The following IMMP2L variants were observed in gnomAD, a reference collection of about 807,000 sequenced individuals.
IMMP2L encodes mitochondrial inner membrane protease subunit 2.
Under a neutral mutation model 19.3 loss-of-function variants are expected in IMMP2L, and 18 were observed. The ratio of observed to expected loss-of-function variants is 0.93; its 90% confidence interval spans 0.64 to 1.38. The LOEUF is 1.38. IMMP2L is among the 40% of genes most tolerant of loss of function. The pLI is 0.00. For missense variants in IMMP2L, 233 were observed against 218.2 expected (o/e 1.07, Z -0.43); for synonymous variants, 76 against 73.0 (o/e 1.04, Z -0.21).
At chr7:111,068,299 T>C (rs1399612782) in intron 3 of IMMP2L, among the ~76,000 whole-genome samples, 2 of 152,160 alleles carry the variant, frequency 1.3e-5, no homozygotes, top group East Asian at 1.9e-4. Flanking sequence ...CATTTTTCAT[T>C]GTGAGAAATA....
chr7:111,251,483 C>CA (rs2129632223), intron 3 of IMMP2L, among the ~76,000 whole-genome samples: 1 of 152,206 alleles, frequency 6.6e-6, no homozygotes, highest in Non-Finnish European at 1.5e-5. Flanking sequence ...TTCACAACAG[C>CA]AAAAACATGG....
intron 3 of IMMP2L, among the ~76,000 whole-genome samples, chr7:111,061,089 G>A (rs146744088): frequency 2.7e-4 from 41 of 152,260 alleles, no homozygotes; most frequent in Non-Finnish European, 4.9e-4. Flanking sequence ...ATGTATATGC[G>A]TGAAGTCTGG....
At chr7:111,067,156 C>T (rs1011047984) in intron 3 of IMMP2L, among the ~76,000 whole-genome samples, 1 of 152,194 alleles carries the variant, frequency 6.6e-6, no homozygotes, top group African/African-American at 2.4e-5. Flanking sequence ...TCATAAACCA[C>T]AACCATGAGT....
intron 3 of IMMP2L, among the ~76,000 whole-genome samples, chr7:111,432,660 C>G (rs978743724): frequency 2.0e-5 from 3 of 151,552 alleles, no homozygotes; most frequent in African/African-American, 7.3e-5. Flanking sequence ...TGGAAAAGGA[C>G]AAGAATTCCC....
At chr7:110,768,368 C>T (rs1025718976) in intron 5 of IMMP2L, among the ~76,000 whole-genome samples, 3 of 151,168 alleles carry the variant, frequency 2.0e-5, no homozygotes, top group East Asian at 1.9e-4. Context: ...TGATAAGAAG[C>T]GGCCAGATGC....
At chr7:110,738,281 T>C (rs1352469426) in intron 5 of IMMP2L, among the ~76,000 whole-genome samples, 1 of 152,160 alleles carries the variant, frequency 6.6e-6, no homozygotes, top group Non-Finnish European at 1.5e-5. Context: ...CCAGAGAAAG[T>C]TGAAGTCCAA....
rs78294715 is a variant in IMMP2L, at chr7:110,810,637, T to A, written c.408+75956A>T. 5.8e-4 allele frequency among the ~76,000 whole-genome samples: 88 copies of A among 152,142 alleles called. No homozygotes were observed. In the East Asian group the frequency reaches 0.016, roughly 28 times the overall value. On this transcript the variant is annotated intron_variant, in intron 5 of 5. Coordinates refer to ENST00000405709, the MANE Select transcript of IMMP2L (RefSeq NM_032549.4). ...AGGATATAAATAACTCCCACATGCTTAGAGTTCCGATAATGGAACACTAGG... is the reference window on the plus strand; with the variant it reads ...AGGATATAAATAACTCCCACATGCTAAGAGTTCCGATAATGGAACACTAGG...
At chr7:111,037,646 C>T (rs941600555) in intron 3 of IMMP2L, among the ~76,000 whole-genome samples, 1 of 152,078 alleles carries the variant, frequency 6.6e-6, no homozygotes, top group African/African-American at 2.4e-5. Flanking sequence ...GTTGTCTTTG[C>T]TTCAAAGAAG....
chr7:111,266,982 C>G (rs1296252960), intron 3 of IMMP2L, among the ~76,000 whole-genome samples: 1 of 152,152 alleles, frequency 6.6e-6, no homozygotes, highest in African/African-American at 2.4e-5. Flanking sequence ...TCTACCCTAG[C>G]TTTCCCATGA....
At position 111,562,442 on chromosome 7, in the gene IMMP2L, G is replaced by C. The variant is rs1272310973; in HGVS notation, c.-594C>G. The C allele has an allele frequency of 6.6e-6, 1 of 151,124 alleles. No individual in the cohort carries two copies. Among genetic ancestry groups the C allele is most frequent in the Non-Finnish European group, 1.5e-5 (1 of 67,904 alleles). 9.4% of individuals were successfully genotyped at this position (151,124 alleles called of 1,614,324 possible). A position where few individuals can be genotyped will look rare whatever the true frequency, so the allele number is the denominator to read the frequency against. On this transcript the variant is annotated 5_prime_UTR_variant, in exon 1 of 6. Transcript: ENST00000405709. The stretch of plus-strand genomic sequence containing the variant: ...CACAGCCCCCCACCCGCCGCCGGAC[G>C]CCGGGCGCCCGCCCTCCGCACCCGC...
At chr7:111,542,551 A>G (rs1848586476) in intron 1 of IMMP2L, among the ~76,000 whole-genome samples, 1 of 152,178 alleles carries the variant, frequency 6.6e-6, no homozygotes. Flanking sequence ...TTTAAGCACT[A>G]TGCTACACTG....
At chr7:110,764,957 A>G (rs1798568888) in intron 5 of IMMP2L, among the ~76,000 whole-genome samples, 1 of 152,102 alleles carries the variant, frequency 6.6e-6, no homozygotes, top group South Asian at 2.1e-4. Context: ...TGAAGGGAAG[A>G]GCTACTGGAA....
chr7:110,814,321 A>G (rs538481722), intron 5 of IMMP2L, among the ~76,000 whole-genome samples: 3 of 151,886 alleles, frequency 2.0e-5, no homozygotes, highest in African/African-American at 7.2e-5. Context: ...AGTTTTTCCT[A>G]TTTTGGAACC....
intron 5 of IMMP2L, among the ~76,000 whole-genome samples, chr7:110,676,876 C>T (rs548009527): frequency 3.6e-4 from 55 of 152,258 alleles, no homozygotes; most frequent in African/African-American, 1.3e-3. Flanking sequence ...GGATGTTGCC[C>T]TTATAATCAC....
chr7:111,169,828 T>G (rs967306223), intron 3 of IMMP2L, among the ~76,000 whole-genome samples: 1 of 151,896 alleles, frequency 6.6e-6, no homozygotes, highest in Non-Finnish European at 1.5e-5. Context: ...CATGAAGAAA[T>G]GTCACAGACT....
intron 3 of IMMP2L, among the ~76,000 whole-genome samples, chr7:111,193,463 C>A (rs1809126534): frequency 6.6e-6 from 1 of 151,970 alleles, no homozygotes; most frequent in South Asian, 2.1e-4. Flanking sequence ...AAAGAAAGAC[C>A]CAGAAACAAT....
intron 5 of IMMP2L, among the ~76,000 whole-genome samples, chr7:110,668,835 G>A (rs756456666): frequency 1.3e-5 from 2 of 151,678 alleles, no homozygotes; most frequent in Admixed American, 1.3e-4. Flanking sequence ...ATCCTCCATA[G>A]TGTCTTGTCA....
At chr7:111,080,787 C>T (rs1424638757) in intron 3 of IMMP2L, among the ~76,000 whole-genome samples, 3 of 152,102 alleles carry the variant, frequency 2.0e-5, no homozygotes. Context: ...GTGCTGAGGA[C>T]CAGGAATACA....
At chr7:111,151,710 G>A (rs565047508) in intron 3 of IMMP2L, among the ~76,000 whole-genome samples, 3 of 152,280 alleles carry the variant, frequency 2.0e-5, no homozygotes, top group African/African-American at 7.2e-5. Flanking sequence ...AGGCCGAGGT[G>A]GGCAGATGAC....
Sources: allele counts gnomAD v4.1 joint callset (sites outside exome capture counted in the v4.1 genomes callset), GRCh38; gene constraint gnomAD v4.1.1; transcripts MANE v1.5; gene names NCBI Gene and HGNC (gene_info 2026-07-23, HGNC 2026-07-21).